The following LRFN5 variants were observed in gnomAD, a reference collection of about 807,000 sequenced individuals.
LRFN5 encodes leucine-rich repeat and fibronectin type-III domain-containing protein 5.
Under a neutral mutation model 45.6 loss-of-function variants are expected in LRFN5, and 24 were observed. The observed-to-expected ratio is 0.53, with a 90% CI of 0.38 to 0.74. LRFN5 has a LOEUF of 0.74. Ranked by LOEUF, LRFN5 falls within the 30% of genes least tolerant of loss-of-function variation. The probability of loss-of-function intolerance (pLI) is 0.00; values close to 1 mark genes in which losing one functional copy is unlikely to be tolerated. For missense variants in LRFN5, 776 were observed against 861.5 expected, an observed-to-expected ratio of 0.90 and a Z score of 1.24; for synonymous variants, 340 against 313.8, an observed-to-expected ratio of 1.08 and a Z score of -0.88.
intron 5 of LRFN5, among the ~76,000 whole-genome samples, chr14:41,903,891 T>C (rs1891171308): frequency 6.6e-6 from 1 of 152,080 alleles, no homozygotes; most frequent in African/African-American, 2.4e-5. Context: ...CTTTACATAA[T>C]TATCTAGGCT....
At chr14:41,884,721 T>A (rs1890503630) in intron 2 of LRFN5, among the ~76,000 whole-genome samples, 1 of 152,064 alleles carries the variant, frequency 6.6e-6, no homozygotes, top group Non-Finnish European at 1.5e-5. Flanking sequence ...AGGGCATCAA[T>A]CCCCTGTACA....
At chr14:41,896,935 A>G (rs977090223) in intron 4 of LRFN5, among the ~76,000 whole-genome samples, 10 of 151,656 alleles carry the variant, frequency 6.6e-5, no homozygotes, top group African/African-American at 2.4e-4. Context: ...TACTAAAAAT[A>G]CAAAAAATTA....
At chr14:41,614,991 A>C (rs944518109) in intron 1 of LRFN5, among the ~76,000 whole-genome samples, 2 of 152,064 alleles carry the variant, frequency 1.3e-5, no homozygotes, top group Non-Finnish European at 2.9e-5. Context: ...AAAGCAGAGA[A>C]TCTAGCTGAG....
At chr14:41,658,565 G>A (rs1398883245) in intron 1 of LRFN5, among the ~76,000 whole-genome samples, 2 of 151,744 alleles carry the variant, frequency 1.3e-5, no homozygotes, top group Non-Finnish European at 2.9e-5. Flanking sequence ...TTTCTCATAT[G>A]TAAATAAGAA....
intron 2 of LRFN5, among the ~76,000 whole-genome samples, chr14:41,835,812 T>C (rs866183044): frequency 6.6e-6 from 1 of 152,126 alleles, no homozygotes; most frequent in South Asian, 2.1e-4. Context: ...GATAAAAATC[T>C]TTGGAGTTTA....
At chr14:41,894,178 T>C (rs1890868329) in intron 4 of LRFN5, 1 of 985,120 alleles carries the variant, frequency 1.0e-6, no homozygotes, top group African/African-American at 1.7e-5. Context: ...AAGGTTGTGA[T>C]CAAAGATAAG....
At chr14:41,616,038 T>A (rs897619010) in intron 1 of LRFN5, among the ~76,000 whole-genome samples, 1 of 152,186 alleles carries the variant, frequency 6.6e-6, no homozygotes, top group Non-Finnish European at 1.5e-5. Context: ...CTATTATGAA[T>A]CTTGACACTT....
intron 1 of LRFN5, among the ~76,000 whole-genome samples, chr14:41,694,781 A>G (rs1180192406): frequency 6.6e-6 from 1 of 151,934 alleles, no homozygotes; most frequent in Non-Finnish European, 1.5e-5. Context: ...TCTGTGGTCA[A>G]TGATATTTGG....
chr14:41,616,646 C>T (rs780263823), intron 1 of LRFN5, among the ~76,000 whole-genome samples: 15 of 152,214 alleles, frequency 9.9e-5, no homozygotes, highest in Non-Finnish European at 1.6e-4. Context: ...GACATGTAAA[C>T]TTACTTGACT....
chr14:41,782,124 A>G (rs1337410367), intron 2 of LRFN5, among the ~76,000 whole-genome samples: 2 of 151,876 alleles, frequency 1.3e-5, no homozygotes, highest in Admixed American at 6.6e-5. Flanking sequence ...CTACTCCATT[A>G]TCTTTGTCTT....
chr14:41,888,925 A>T (rs1890674856), intron 3 of LRFN5, among the ~76,000 whole-genome samples: 2 of 151,742 alleles, frequency 1.3e-5, no homozygotes, highest in African/African-American at 4.8e-5. Context: ...GCCCTAGGAA[A>T]TGATGCAAAA....
chr14:41,800,804 A>G (rs919499442), intron 2 of LRFN5, among the ~76,000 whole-genome samples: 1 of 151,918 alleles, frequency 6.6e-6, no homozygotes, highest in Admixed American at 6.6e-5. Flanking sequence ...AGTTCAAGGA[A>G]AATATAAACA....
At chr14:41,844,791 G>C (rs940146898) in intron 2 of LRFN5, among the ~76,000 whole-genome samples, 2 of 152,204 alleles carry the variant, frequency 1.3e-5, no homozygotes, top group Admixed American at 6.5e-5. Context: ...GAAAATTCAA[G>C]CCAGAACAAG....
chr14:41,793,360 C>G (rs569869309), intron 2 of LRFN5, among the ~76,000 whole-genome samples: 1 of 151,976 alleles, frequency 6.6e-6, no homozygotes, highest in Admixed American at 6.6e-5. Context: ...TCTGACATAC[C>G]AAAGTCCTAT....
At position 41,676,937 on chromosome 14, in the gene LRFN5, C is replaced by A. The variant is rs78523739; in HGVS notation, c.-197+68375C>A. Among the ~76,000 whole-genome samples the A allele has an allele frequency of 1.5e-4, 23 of 152,280 alleles. No individual in the cohort carries two copies. The East Asian group carries it at 3.7e-3, about 24-fold the overall frequency. On this transcript the variant is annotated intron_variant, in intron 1 of 5. Transcript: ENST00000298119. ...TATGCTACACATTTTGAGATCCTCA[C>A]CAAATGTGGGACCAGAAAATGAAAA...
chr14:41,842,646 C>T (rs931034610), intron 2 of LRFN5, among the ~76,000 whole-genome samples: 1 of 152,046 alleles, frequency 6.6e-6, no homozygotes, highest in African/African-American at 2.4e-5. Context: ...CCACACAACA[C>T]AAAACTTTAA....
intron 1 of LRFN5, among the ~76,000 whole-genome samples, chr14:41,735,712 C>T (rs1406691306): frequency 6.6e-6 from 1 of 151,960 alleles, no homozygotes; most frequent in Non-Finnish European, 1.5e-5. Flanking sequence ...TCTATCAACC[C>T]TTCATTGACA....
chr14:41,613,494 A>AT (rs201505454), intron 1 of LRFN5, among the ~76,000 whole-genome samples: 213 of 151,104 alleles, frequency 1.4e-3, no homozygotes, highest in African/African-American at 4.1e-3. Flanking sequence ...CTGTTCTTGC[A>AT]TTTTTTTTTG....
At chr14:41,633,206 A>T (rs1472278290) in intron 1 of LRFN5, among the ~76,000 whole-genome samples, 3 of 152,124 alleles carry the variant, frequency 2.0e-5, no homozygotes, top group African/African-American at 7.2e-5. Flanking sequence ...AGATATTCAG[A>T]TTAAATTTTT....
Sources: allele counts gnomAD v4.1 joint callset (sites outside exome capture counted in the v4.1 genomes callset), GRCh38; gene constraint gnomAD v4.1.1; transcripts MANE v1.5; gene names NCBI Gene and HGNC (gene_info 2026-07-23, HGNC 2026-07-21).